COL4A4: variants seen among roughly 807,000 people sequenced by gnomAD.
The protein encoded by COL4A4 is collagen alpha-4(IV) chain.
In COL4A4, 105 loss-of-function variants were observed where a neutral mutation model predicts 192.9. The ratio of observed to expected loss-of-function variants is 0.54; its 90% CI spans 0.46 to 0.64. COL4A4 has a LOEUF of 0.64. COL4A4 is among the 30% of genes least tolerant of loss of function. COL4A4 has a pLI of 0.00. For missense variants in COL4A4, 1,967 were observed against 2,169.3 expected (o/e 0.91, Z 1.85); for synonymous variants, 762 against 769.9 (o/e 0.99, Z 0.17).
intron 11 of COL4A4, 101 bp downstream of exon 11, chr2:227,108,732 G>A (rs2061001544): frequency 6.6e-7 from 1 of 1,523,114 alleles, no homozygotes; most frequent in Admixed American, 1.7e-5. Flanking sequence ...GAATACTTTG[G>A]GAAGTCTGAT....
chr2:226,970,724 C>T, the COL4A4 span, among the ~76,000 whole-genome samples: 12 of 152,146 alleles, frequency 7.9e-5, no homozygotes, highest in Non-Finnish European at 1.8e-4. Flanking sequence ...TTATTTGATT[C>T]TCAAAACTGC....
Position 227,030,469 on chromosome 2 carries a change from C to T in COL4A4, c.3947G>A (p.Gly1316Glu). Reference sequence around the variant, plus strand: ...TTTCTGGCCATCTTTTCCATCACATCCTGGAAAGCCTTTGTATCCTGGAGG... The same window carrying T: ...TTTCTGGCCATCTTTTCCATCACATTCTGGAAAGCCTTTGTATCCTGGAGG... ...PGPPGYKGFP[G>E]CDGKDGQKGP... The change falls in exon 41 of 48, where the codon GGA becomes GAA. Residue 1316 changes from glycine (G) to glutamate (E), a missense_variant. Transcript: ENST00000396625. 1 of 1,614,154 alleles carries T rather than the reference C, an allele frequency of 6.2e-7. No homozygotes were observed.
In COL4A4 at chr2:227,010,556, A is replaced by ATATGTTAAGCACCTCTGTTCTGGCAC. The variant is rs1255587838; in HGVS notation, c.4334-81_4334-56dup. The ATATGTTAAGCACCTCTGTTCTGGCAC allele has an allele frequency of 1.6e-4, 225 of 1,405,662 alleles. No homozygotes were observed. In the African/African-American group the frequency reaches 2.9e-3, roughly 18 times the overall value. 87.1% of individuals were successfully genotyped at this position (1,405,662 alleles called of 1,614,324 possible). ...CAGGTTAGGGGGTTTGGTTTAACAA[A>ATATGTTAAGCACCTCTGTTCTGGCAC]TATGTTAAGCACCTCTGTTCTGGCA... is the stretch of plus-strand genomic sequence containing the variant. On this transcript the variant is annotated intron_variant, in intron 45 of 47. Transcript: ENST00000396625.
chr2:227,128,855 T>G (rs1476354852), intron 4 of COL4A4, among the ~76,000 whole-genome samples: 2 of 152,116 alleles, frequency 1.3e-5, no homozygotes, highest in Non-Finnish European at 2.9e-5. Flanking sequence ...ACCCCTTTCC[T>G]GGTGTCATTG....
chr2:227,066,227 A>G (rs2058329907), intron 25 of COL4A4, among the ~76,000 whole-genome samples: 1 of 152,216 alleles, frequency 6.6e-6, no homozygotes, highest in Admixed American at 6.5e-5. Context: ...GAAAAGACCA[A>G]ATCTACATCT....
At chr2:226,983,992 A>G in the COL4A4 span, among the ~76,000 whole-genome samples, 8 of 152,236 alleles carry the variant, frequency 5.3e-5, no homozygotes, top group African/African-American at 1.9e-4. Context: ...CTGCTCGTAT[A>G]GGAGGGTGAG....
At chr2:227,025,483 A>G (rs763015579) in intron 43 of COL4A4, among the ~76,000 whole-genome samples, 35 of 152,230 alleles carry the variant, frequency 2.3e-4, no homozygotes, top group Non-Finnish European at 4.4e-4. Context: ...GAATTTAAAA[A>G]AGGAACTTAC....
intron 3 of COL4A4, among the ~76,000 whole-genome samples, chr2:227,144,014 T>G (rs1353425924): frequency 6.6e-6 from 1 of 152,236 alleles, no homozygotes; most frequent in Non-Finnish European, 1.5e-5. Context: ...GATAGGGTTA[T>G]GTTCACTAGA....
At chr2:226,987,782 C>CT in the COL4A4 span, among the ~76,000 whole-genome samples, 1 of 152,228 alleles carries the variant, frequency 6.6e-6, no homozygotes, top group South Asian at 2.1e-4. Flanking sequence ...GATATATTAT[C>CT]TGCAACAGAG....
rs756843264 is a variant in COL4A4 at position 227,054,643 on chromosome 2, C to T, written c.2811G>A (p.Glu937=). The change falls in exon 31 of 48, where the codon GAG becomes GAA. Residue 937 remains glutamate, a synonymous_variant. Coordinates refer to ENST00000396625, the MANE Select transcript of COL4A4 (RefSeq NM_000092.5). ...GCPGAKGEPG[E]KGMSGLPGDR... ...CTCCAGGAAGGCCAGACATGCCCTT[C>T]TCTCCAGGTTCTCCCTTTGCGCCAG... is the stretch of plus-strand genomic sequence containing the variant. 6.2e-7 allele frequency: 1 copy of T among 1,614,260 alleles called. No homozygotes were observed. Among genetic ancestry groups the T allele is most frequent in the Non-Finnish European group, 8.5e-7 (1 of 1,180,044 alleles).
chr2:227,089,050 G>T (rs373638992), intron 21 of COL4A4, among the ~76,000 whole-genome samples: 1 of 152,028 alleles, frequency 6.6e-6, no homozygotes, highest in African/African-American at 2.4e-5. Context: ...GGAGGGTTTC[G>T]TTCCTTAATA....
At chr2:226,973,673 T>TA in the COL4A4 span, among the ~76,000 whole-genome samples, 1 of 152,230 alleles carries the variant, frequency 6.6e-6, no homozygotes, top group African/African-American at 2.4e-5. Context: ...AGTAAACAGA[T>TA]GGAGATGTTC....
At chr2:226,990,564 C>T in the COL4A4 span, among the ~76,000 whole-genome samples, 3 of 152,064 alleles carry the variant, frequency 2.0e-5, no homozygotes, top group Admixed American at 1.3e-4. Flanking sequence ...GGATGGCGAA[C>T]GGTAGGGAAA....
At chr2:227,133,466 G>A (rs2062615000) in intron 4 of COL4A4, among the ~76,000 whole-genome samples, 1 of 152,220 alleles carries the variant, frequency 6.6e-6, no homozygotes, top group African/African-American at 2.4e-5. Context: ...GTTAGTTGGA[G>A]TTATTTTCCC....
chr2:227,008,449 C>A, intron 46 of COL4A4, 145 bp from the exon 47 acceptor site: 2 of 909,492 alleles, frequency 2.2e-6, no homozygotes, highest in East Asian at 2.6e-5. Flanking sequence ...GTGAGGAAGC[C>A]ATTTCTGACA....
chr2:227,006,177 A>G lies in COL4A4; in HGVS notation c.*1148T>C, dbSNP rs921904500. ...ATGTCCTCCTGATGGGGTAACCCTG[A>G]CTTAAATGAATCTTCTTACCTAAGT... On this transcript the variant is annotated 3_prime_UTR_variant, in exon 48 of 48. Coordinates refer to ENST00000396625, the MANE Select transcript of COL4A4 (RefSeq NM_000092.5). 1 of 152,648 alleles carries G rather than the reference A, an allele frequency of 6.6e-6. No individual in the cohort carries two copies. Among genetic ancestry groups the G allele is most frequent in the African/African-American group, 2.4e-5 (1 of 41,472 alleles). 9.5% of individuals were successfully genotyped at this position (152,648 alleles called of 1,614,324 possible).
intron 1 of COL4A4, among the ~76,000 whole-genome samples, chr2:227,152,061 A>G (rs1219573782): frequency 2.0e-5 from 3 of 152,188 alleles, no homozygotes; most frequent in Non-Finnish European, 2.9e-5. Context: ...TCCCTCCATT[A>G]TGATGAAAAC....
intron 43 of COL4A4, among the ~76,000 whole-genome samples, chr2:227,023,518 G>A (rs1966428121): frequency 1.4e-5 from 2 of 146,832 alleles, no homozygotes; most frequent in Non-Finnish European, 2.9e-5. Context: ...ACATCATTAA[G>A]ACATCTTTTC....
chr2:226,997,278 T>C, the COL4A4 span: 3 of 152,252 alleles, frequency 2.0e-5, no homozygotes, highest in Non-Finnish European at 4.4e-5. Flanking sequence ...TCAAGCTAAA[T>C]GTTACTGCTC....
Sources: allele counts gnomAD v4.1 joint callset (sites outside exome capture counted in the v4.1 genomes callset), GRCh38; gene constraint gnomAD v4.1.1; transcripts MANE v1.5; gene names NCBI Gene and HGNC (gene_info 2026-07-23, HGNC 2026-07-21).